The following CA9 variants were observed in gnomAD, a reference collection of about 807,000 sequenced individuals.
The protein encoded by CA9 is carbonic anhydrase 9, also known as CA-IX.
A neutral mutation model predicts 51.8 loss-of-function variants in CA9; 43 were observed. The ratio of observed to expected loss-of-function variants is 0.83; its 90% confidence interval spans 0.65 to 1.07. The LOEUF (loss-of-function observed/expected upper bound fraction) is 1.07, where lower values mean the gene tolerates loss of function less well. Ranked by LOEUF, CA9 falls within the 50% of genes least tolerant of loss-of-function variation. CA9 has a pLI of 0.00. For missense variants in CA9, 574 were observed against 581.4 expected, an observed-to-expected ratio of 0.99 and a Z score of 0.13; for synonymous variants, 253 against 244.2, an observed-to-expected ratio of 1.04 and a Z score of -0.34.
At chr9:35,679,052 G>A in intron 6 of CA9, 133 bp from the exon 7 acceptor site, 2 of 902,676 alleles carry the variant, frequency 2.2e-6, no homozygotes, top group Non-Finnish European at 3.5e-6. Flanking sequence ...TATGGGAAGG[G>A]CCTGCACTTA....
intron 6 of CA9, 50 bp downstream of exon 6, chr9:35,677,906 A>G (rs371141294): frequency 6.0e-5 from 92 of 1,529,058 alleles, no homozygotes; most frequent in Non-Finnish European, 7.9e-5. Flanking sequence ...TTCATAAAGA[A>G]TCACCCTTTG....
At position 35,679,331 on chromosome 9, in the gene CA9, A is replaced by G. The variant is rs780362335; in HGVS notation, c.1054A>G (p.Ser352Gly). The stretch of plus-strand genomic sequence containing the variant: ...TGTGTTTAACCAGACAGTGATGCTG[A>G]GTGCTAAGCAGGTGGGCCTGGGGTG... ...WTVFNQTVML[S>G]AKQLHTLSDT... Residue 352 changes from serine (S) to glycine (G), a missense_variant, in exon 7 of 11, where the codon AGT becomes GGT. By Grantham distance (56) the Ser-to-Gly change is moderately conservative. Coordinates refer to ENST00000378357, the MANE Select transcript of CA9 (RefSeq NM_001216.3). 4 of 1,613,234 alleles carry G rather than the reference A, an allele frequency of 2.5e-6. No individual in the cohort carries two copies. The Admixed American group carries it at 6.7e-5, about 27-fold the overall frequency.
chr9:35,676,538 C>G, intron 5 of CA9, 149 bp downstream of exon 5: 1 of 653,376 alleles, frequency 1.5e-6, no homozygotes, highest in Non-Finnish European at 2.6e-6. Context: ...CATTTAACAC[C>G]CACTGTGAAC....
chr9:35,677,785 C>T lies in CA9; in HGVS notation c.841-5C>T, dbSNP rs762030708. 2 of 1,613,596 alleles carry T rather than the reference C, an allele frequency of 1.2e-6. No homozygotes were observed. The highest frequency in any genetic ancestry group is 1.7e-6 in the Non-Finnish European group (2 of 1,179,492). ...ACTCATCTGTCTTACAATGTCATCC[C>T]CCAGGAGGGCCCGGAAGAAAACAGT... On this transcript the variant is annotated splice_polypyrimidine_tract_variant and splice_region_variant and intron_variant, in intron 5 of 10. Transcript: ENST00000378357.
rs778855846 is a variant in CA9 at position 35,680,203 on chromosome 9, G to C, written c.1237+64G>C. The C allele has an allele frequency of 3.1e-6, 5 of 1,598,842 alleles. No homozygotes were observed. In the African/African-American group the frequency reaches 6.7e-5, roughly 21 times the overall value. On this transcript the variant is annotated intron_variant, in intron 9 of 10. Transcript: ENST00000378357. The stretch of plus-strand genomic sequence containing the variant: ...CTCCTCAGCACCATTCAGCCCCAGG[G>C]CTGCTCAGGACCGCCTCTGCTCCCT...
chr9:35,678,561 C>T (rs557818592), intron 6 of CA9, among the ~76,000 whole-genome samples: 2 of 152,142 alleles, frequency 1.3e-5, no homozygotes, highest in South Asian at 4.2e-4. Context: ...CATTTTAAAT[C>T]TCACTTACTC....
rs187374344 is a variant in CA9, at chr9:35,679,246, C to A, written c.969C>A (p.Arg323=). 6.2e-7 allele frequency: 1 copy of A among 1,614,054 alleles called. No individual in the cohort carries two copies. The highest frequency in any genetic ancestry group is 8.5e-7 in the Non-Finnish European group (1 of 1,180,032). Residue 323 remains arginine, a synonymous_variant, in exon 7 of 11, where the codon CGC becomes CGA. Coordinates refer to ENST00000378357, the MANE Select transcript of CA9 (RefSeq NM_001216.3). ...CACTCCTGCCCTCTGACTTCAGCCG[C>A]TACTTCCAATATGAGGGGTCTCTGA... ...ISALLPSDFS[R]YFQYEGSLTT... is the part of the protein sequence containing the mutation.
rs745998735 is a variant in CA9 at position 35,675,861 on chromosome 9, C to T, written c.534C>T (p.Arg178=). The change falls in exon 3 of 11, where the codon CGC becomes CGT. Residue 178 remains arginine (R), a synonymous_variant. Transcript: ENST00000378357. ...TCGCCGCCTTCTGCCCGGCCCTGCG[C>T]CCCCTGGAACTCCTGGGCTTCCAGC... ...PQLAAFCPAL[R]PLELLGFQLP... is the part of the protein sequence containing the mutation. 5 of 1,605,814 alleles carry T rather than the reference C, an allele frequency of 3.1e-6. No individual in the cohort carries two copies. The African/African-American group carries it at 4.0e-5, about 13-fold the overall frequency.
At chr9:35,677,632 GCAA>G (rs1331284491) in intron 5 of CA9, among the ~76,000 whole-genome samples, 155 bp from the exon 6 acceptor site, 2 of 151,918 alleles carry the variant, frequency 1.3e-5, no homozygotes, top group Non-Finnish European at 2.9e-5. Context: ...AAAAACAACA[GCAA>G]CAACAAAAAG....
At chr9:35,679,036 A>G in intron 6 of CA9, 149 bp from the exon 7 acceptor site, 1 of 733,724 alleles carries the variant, frequency 1.4e-6, no homozygotes, top group Non-Finnish European at 2.2e-6. Flanking sequence ...TTTTTGAGTT[A>G]CGTCTTATGG....
chr9:35,677,382 AGGTGTATATAT>A (rs1190164515), intron 5 of CA9, among the ~76,000 whole-genome samples: 1 of 152,208 alleles, frequency 6.6e-6, no homozygotes, highest in Non-Finnish European at 1.5e-5. Flanking sequence ...ACCAACACAA[AGGTGTATATAT>A]GGTTTCCTGT....
In CA9 at chr9:35,681,010, C is replaced by CTA. The variant is rs780447881; in HGVS notation, c.1365_1366insTA (p.Glu456Ter). The stretch of plus-strand genomic sequence containing the variant: ...TGAGCTACCGCCCAGCAGAGGTAGC[C>CTA]GAGACTGGAGCCTAGAGGCTGGATC... On this transcript the variant is annotated frameshift_variant, in exon 11 of 11. Coordinates refer to ENST00000378357, the MANE Select transcript of CA9 (RefSeq NM_001216.3). LOFTEE classifies it high-confidence loss of function. 2 of 1,613,726 alleles carry CTA rather than the reference C, an allele frequency of 1.2e-6. No individual in the cohort carries two copies. Among genetic ancestry groups the CTA allele is most frequent in the East Asian group, 2.2e-5 (1 of 44,878 alleles).
chr9:35,678,359 A>AG (rs1462734177), intron 6 of CA9, among the ~76,000 whole-genome samples: 2 of 151,530 alleles, frequency 1.3e-5, no homozygotes, highest in African/African-American at 4.8e-5. Context: ...AAAAAAAAAA[A>AG]AAAAAGAAAA....
rs141822858 is a variant in CA9, at chr9:35,679,217, T to A, written c.940T>A (p.Ser314Thr). The A allele has an allele frequency of 1.9e-6, 3 of 1,614,050 alleles. No homozygotes were observed. The African/African-American group carries it at 4.0e-5, about 22-fold the overall frequency. Residue 314 changes from serine (S) to threonine (T), a missense_variant, in exon 7 of 11, where the codon TCT becomes ACT. Coordinates refer to ENST00000378357, the MANE Select transcript of CA9 (RefSeq NM_001216.3). ...GACTCAGGTCCCAGGACTGGACATATCTGCACTCCTGCCCTCTGACTTCAG... is the reference window on the plus strand; with the variant it reads ...GACTCAGGTCCCAGGACTGGACATAACTGCACTCCTGCCCTCTGACTTCAG... ...SETQVPGLDI[S>T]ALLPSDFSRY...
chr9:35,680,996 C>A lies in CA9; in HGVS notation c.1351C>A (p.Pro451Thr). 6.2e-7 allele frequency: 1 copy of A among 1,613,994 alleles called. No homozygotes were observed. ...AACCAAAGGGGGTGTGAGCTACCGC[C>A]CAGCAGAGGTAGCCGAGACTGGAGC... ...RGTKGGVSYR[P>T]AEVAETGA Residue 451 changes from proline (P) to threonine (T), a missense_variant, in exon 11 of 11, where the codon CCA (proline) becomes ACA (threonine). Coordinates refer to ENST00000378357, the MANE Select transcript of CA9 (RefSeq NM_001216.3).
intron 5 of CA9, among the ~76,000 whole-genome samples, chr9:35,677,434 A>T (rs1824446223): frequency 6.6e-6 from 1 of 152,176 alleles, no homozygotes; most frequent in African/African-American, 2.4e-5. Context: ...GCAGTGAGTG[A>T]GACTGCAAAC....
chr9:35,675,658 T>TGGCCCC, intron 2 of CA9, 91 bp downstream of exon 2: 3 of 1,407,078 alleles, frequency 2.1e-6, no homozygotes, highest in Non-Finnish European at 3.0e-6. Flanking sequence ...GTCCCGGGCG[T>TGGCCCC]CCCACCCGCC....
rs554959947 is a variant in CA9, at chr9:35,674,278, T to A, written c.319T>A (p.Ser107Thr). 6.2e-7 allele frequency: 1 copy of A among 1,614,004 alleles called. No individual in the cohort carries two copies. Among genetic ancestry groups the A allele is most frequent in the African/African-American group, 1.3e-5 (1 of 74,970 alleles). The change falls in exon 1 of 11, where the codon TCC becomes ACC. Residue 107 changes from serine to threonine, a missense_variant. By Grantham distance (58) the Ser-to-Thr change is moderately conservative. Transcript: ENST00000378357. ...TAAGCCTAAATCAGAAGAAGAGGGC[T>A]CCCTGAAGTTAGAGGATCTACCTAC... ...EVKPKSEEEG[S>T]LKLEDLPTVE...
chr9:35,674,410 TC>T, intron 1 of CA9, 48 bp downstream of exon 1: 1 of 1,536,082 alleles, frequency 6.5e-7, no homozygotes, highest in Non-Finnish European at 8.8e-7. Context: ...GGTTCATGAC[TC>T]CCCTCCCATA....
Sources: allele counts gnomAD v4.1 joint callset (sites outside exome capture counted in the v4.1 genomes callset), GRCh38; gene constraint gnomAD v4.1.1; transcripts MANE v1.5; gene names NCBI Gene and HGNC (gene_info 2026-07-23, HGNC 2026-07-21).